HIPK3: variants seen among roughly 807,000 people sequenced by gnomAD.
HIPK3 encodes homeodomain-interacting protein kinase 3.
HIPK3 carries 47 observed loss-of-function variants against 124.2 expected under a neutral mutation model. The ratio of observed to expected loss-of-function variants is 0.38; its 90% CI spans 0.30 to 0.48. The LOEUF (loss-of-function observed/expected upper bound fraction) is 0.48. HIPK3 is among the 20% of genes least tolerant of loss of function. The pLI is 0.98. For missense variants in HIPK3, 1,286 were observed against 1,454.3 expected, an observed-to-expected ratio of 0.88 and a Z score of 1.88; for synonymous variants, 482 against 515.2, an observed-to-expected ratio of 0.94 and a Z score of 0.87.
Position 33,304,422 on chromosome 11 carries a change from T to C in HIPK3, c.1097+16911T>C, listed in dbSNP as rs1015160340. 6.3e-4 allele frequency among the ~76,000 whole-genome samples: 96 copies of C among 152,032 alleles called. 13 individuals are homozygous for C. Among genetic ancestry groups the C allele is most frequent in the Non-Finnish European group, 4.4e-5 (3 of 68,018 alleles). ...AAAATACAAAATTAGCTGGGCTTGGTGGCGCATGCCTGTAATCCCAGCTAC... is the reference window on the plus strand; with the variant it reads ...AAAATACAAAATTAGCTGGGCTTGGCGGCGCATGCCTGTAATCCCAGCTAC... On this transcript the variant is annotated intron_variant, in intron 2 of 16. Coordinates refer to ENST00000303296, the MANE Select transcript of HIPK3 (RefSeq NM_005734.5).
In HIPK3 at chr11:33,261,080, T is replaced by G. The variant is rs913515341; in HGVS notation, c.-3+3191T>G. ...TGGAGAATCTTTTGTGATACCGGTGTAAGTCTAAAGGGATTATATGTATAT... is the reference window on the plus strand; with the variant it reads ...TGGAGAATCTTTTGTGATACCGGTGGAAGTCTAAAGGGATTATATGTATAT... On this transcript the variant is annotated intron_variant, in intron 1 of 16. Transcript: ENST00000303296. 6.4e-4 allele frequency among the ~76,000 whole-genome samples: 95 copies of G among 148,444 alleles called. 1 individual carries two copies. The highest frequency in any genetic ancestry group is 3.5e-3 in the Middle Eastern group (1 of 284).
intron 3 of HIPK3, chr11:33,335,741 C>A (rs1178207298): frequency 6.6e-6 from 1 of 151,694 alleles, no homozygotes; most frequent in African/African-American, 2.4e-5. Flanking sequence ...AGAGGATGGA[C>A]TAATTGATGG....
chr11:33,315,042 A>G (rs1852456669), intron 2 of HIPK3, among the ~76,000 whole-genome samples: 1 of 152,256 alleles, frequency 6.6e-6, no homozygotes, highest in Admixed American at 6.5e-5. Context: ...TAGTGTGTAT[A>G]TATGAGCTGT....
intron 2 of HIPK3, among the ~76,000 whole-genome samples, chr11:33,327,392 G>A (rs955848554): frequency 6.6e-6 from 1 of 152,126 alleles, no homozygotes; most frequent in Non-Finnish European, 1.5e-5. Context: ...CAAAGGTCAT[G>A]GAAATCTAGA....
At chr11:33,279,638 G>A (rs148346004) in intron 1 of HIPK3, among the ~76,000 whole-genome samples, 15 of 152,244 alleles carry the variant, frequency 9.9e-5, no homozygotes, top group African/African-American at 3.4e-4. Flanking sequence ...GTTCAGATGC[G>A]ACTTAAAGTT....
intron 1 of HIPK3, among the ~76,000 whole-genome samples, chr11:33,284,162 A>G (rs1392037513): frequency 6.6e-6 from 1 of 152,194 alleles, no homozygotes; most frequent in Non-Finnish European, 1.5e-5. Flanking sequence ...GTGATTTGTT[A>G]TAAGAGTAGG....
intron 2 of HIPK3, among the ~76,000 whole-genome samples, chr11:33,297,580 C>T (rs924857001): frequency 6.6e-6 from 1 of 152,096 alleles, no homozygotes; most frequent in African/African-American, 2.4e-5. Flanking sequence ...AAAGAAGCCT[C>T]TCCATAACAT....
In HIPK3 at chr11:33,287,531, T is replaced by G. The variant is rs760146226; in HGVS notation, c.1097+20T>G. 6.3e-7 allele frequency: 1 copy of G among 1,581,872 alleles called. No individual in the cohort carries two copies. Among genetic ancestry groups the G allele is most frequent in the South Asian group, 1.2e-5 (1 of 86,902 alleles). Reference sequence around the variant, plus strand: ...CTACAGGTAGGTAACAACTCCATACTTTTTGGTTGTTTATTAATGTGAAAT... The same window carrying G: ...CTACAGGTAGGTAACAACTCCATACGTTTTGGTTGTTTATTAATGTGAAAT... On this transcript the variant is annotated intron_variant, in intron 2 of 16. Transcript: ENST00000303296.
intron 2 of HIPK3, among the ~76,000 whole-genome samples, chr11:33,326,409 A>G (rs1230616335): frequency 1.3e-5 from 2 of 152,202 alleles, no homozygotes; most frequent in Admixed American, 6.5e-5. Flanking sequence ...GCTTAACTCT[A>G]GGTAATATAC....
chr11:33,337,232 T>C, intron 4 of HIPK3, 38 bp downstream of exon 4: 1 of 1,290,312 alleles, frequency 7.8e-7, no homozygotes, highest in Non-Finnish European at 1.1e-6. Flanking sequence ...GAAGACTAGT[T>C]TTCTAAGATG....
intron 2 of HIPK3, among the ~76,000 whole-genome samples, chr11:33,309,772 T>C (rs974482770): frequency 6.6e-6 from 1 of 152,246 alleles, no homozygotes; most frequent in African/African-American, 2.4e-5. Flanking sequence ...AAGTAAGTTA[T>C]AGATACCAGT....
chr11:33,353,172 T>G lies in HIPK3; in HGVS notation c.3252T>G (p.Ser1084Arg), dbSNP rs1469935377. 1 of 1,613,942 alleles carries G rather than the reference T, an allele frequency of 6.2e-7. No homozygotes were observed. The highest frequency in any genetic ancestry group is 8.5e-7 in the Non-Finnish European group (1 of 1,179,946). The change falls in exon 17 of 17, where the codon AGT (serine) becomes AGG (arginine). Residue 1084 changes from serine (S) to arginine (R), a missense_variant. Coordinates refer to ENST00000303296, the MANE Select transcript of HIPK3 (RefSeq NM_005734.5). ...GACAGCAAGCTTATATTCCTACTAG[T>G]GTTACCAGTAATCCATTCACTCTTT... ...HRRQQAYIPT[S>R]VTSNPFTLSH...
intron 2 of HIPK3, among the ~76,000 whole-genome samples, chr11:33,313,504 A>G (rs185932158): frequency 5.3e-5 from 8 of 152,304 alleles, no homozygotes; most frequent in African/African-American, 1.4e-4. Flanking sequence ...CAGAAAAATT[A>G]TATTTGTGTG....
At chr11:33,315,152 T>A (rs1748217864) in intron 2 of HIPK3, among the ~76,000 whole-genome samples, 1 of 152,210 alleles carries the variant, frequency 6.6e-6, no homozygotes, top group Non-Finnish European at 1.5e-5. Context: ...CAGATACTTT[T>A]TGTGTTACCC....
At chr11:33,347,441 A>G (rs1853529806) in intron 9 of HIPK3, 27 bp downstream of exon 9, 1 of 1,612,552 alleles carries the variant, frequency 6.2e-7, no homozygotes, top group South Asian at 1.1e-5. Flanking sequence ...TCTTTGCCAT[A>G]TATCAGCTTG....
At position 33,347,283 on chromosome 11, in the gene HIPK3, T is replaced by C. The variant is rs370795158; in HGVS notation, c.1898-10T>C. The C allele has an allele frequency of 1.3e-5, 21 of 1,603,472 alleles. No individual in the cohort carries two copies. In the African/African-American group the frequency reaches 2.5e-4, roughly 19 times the overall value. On this transcript the variant is annotated splice_polypyrimidine_tract_variant and intron_variant, in intron 8 of 16. Coordinates refer to ENST00000303296, the MANE Select transcript of HIPK3 (RefSeq NM_005734.5). ...TTTTTCTTTTATTTGATAACTATTC[T>C]GTTTCACAGGTATTCCTGCAACACA...
At chr11:33,266,494 C>T (rs1384939758) in intron 1 of HIPK3, among the ~76,000 whole-genome samples, 2 of 152,092 alleles carry the variant, frequency 1.3e-5, no homozygotes, top group East Asian at 3.9e-4. Context: ...GGCCAGGAGT[C>T]TGAGACCAGC....
intron 2 of HIPK3, among the ~76,000 whole-genome samples, chr11:33,305,333 A>C (rs1163389889): frequency 6.6e-6 from 1 of 152,102 alleles, no homozygotes; most frequent in African/African-American, 2.4e-5. Context: ...ACTACTCTGT[A>C]TTACCTTGAA....
At chr11:33,262,607 A>C (rs1418772408) in intron 1 of HIPK3, among the ~76,000 whole-genome samples, 1 of 152,196 alleles carries the variant, frequency 6.6e-6, no homozygotes, top group East Asian at 1.9e-4. Flanking sequence ...GGAGACAGTT[A>C]AGTTATTAAG....
Sources: allele counts gnomAD v4.1 joint callset (sites outside exome capture counted in the v4.1 genomes callset), GRCh38; gene constraint gnomAD v4.1.1; transcripts MANE v1.5; gene names NCBI Gene and HGNC (gene_info 2026-07-23, HGNC 2026-07-21).